The following CNTN5 variants were observed in gnomAD, a reference collection of about 807,000 sequenced individuals.
CNTN5 encodes contactin 5, also known as contactin-5.
Under a neutral mutation model 129.1 loss-of-function variants are expected in CNTN5, and 77 were observed. The ratio of observed to expected loss-of-function variants is 0.60; its 90% CI spans 0.50 to 0.72. CNTN5 has a LOEUF of 0.72. Ranked by LOEUF, CNTN5 falls within the 30% of genes least tolerant of loss-of-function variation. CNTN5 has a pLI of 0.00. For synonymous variants in CNTN5, 509 were observed against 465.6 expected, an observed-to-expected ratio of 1.09 and a Z score of -1.20; for missense variants, 1,478 against 1,328.8, an observed-to-expected ratio of 1.11 and a Z score of -1.75.
chr11:100,341,886 A>C (rs1038638704), intron 23 of CNTN5, among the ~76,000 whole-genome samples: 5 of 151,780 alleles, frequency 3.3e-5, no homozygotes, highest in Non-Finnish European at 7.4e-5. Flanking sequence ...CAGAATCATT[A>C]GTTGAATATT....
chr11:99,090,370 G>C (rs1487964913), intron 1 of CNTN5, among the ~76,000 whole-genome samples: 1 of 152,080 alleles, frequency 6.6e-6, no homozygotes, highest in African/African-American at 2.4e-5. Flanking sequence ...AGAAATTGGG[G>C]ATGCAAAAGA....
chr11:99,155,942 A>G (rs145354359), intron 1 of CNTN5, among the ~76,000 whole-genome samples: 1,582 of 152,238 alleles, frequency 0.01, 22 homozygotes, highest in Non-Finnish European at 0.014. Context: ...GGAATAATTT[A>G]CACAATAATT....
At chr11:100,041,300 T>C (rs1323363046) in intron 9 of CNTN5, among the ~76,000 whole-genome samples, 1 of 152,228 alleles carries the variant, frequency 6.6e-6, no homozygotes. Context: ...GCTGTGCCTA[T>C]GTCCATACTT....
intron 1 of CNTN5, among the ~76,000 whole-genome samples, chr11:99,207,050 G>T (rs1859522282): frequency 6.6e-6 from 1 of 151,936 alleles, no homozygotes; most frequent in African/African-American, 2.4e-5. Flanking sequence ...GCTAGTCTTA[G>T]TCACAAGCAG....
intron 1 of CNTN5, among the ~76,000 whole-genome samples, chr11:99,030,056 C>T (rs1187032830): frequency 6.6e-6 from 1 of 152,092 alleles, no homozygotes. Flanking sequence ...ACATTCATGG[C>T]ATATGGTGAG....
chr11:99,907,718 A>G (rs1949546935), intron 6 of CNTN5, among the ~76,000 whole-genome samples: 1 of 151,912 alleles, frequency 6.6e-6, no homozygotes, highest in Non-Finnish European at 1.5e-5. Context: ...CTCAACTGTA[A>G]TGGAAGAATA....
At position 99,903,731 on chromosome 11, in the gene CNTN5, A is replaced by G. The variant is rs79819636; in HGVS notation, c.578-12323A>G. ...TATGGTAGTTTCCAAGAAACTCTAA[A>G]TATAATTTTTTTAGAGAGAATATTT... On this transcript the variant is annotated intron_variant, in intron 6 of 24. Transcript: ENST00000524871. Among the ~76,000 whole-genome samples, 1,276 of 152,242 alleles carry G rather than the reference A, an allele frequency of 8.4e-3. 31 individuals carry two copies. Among genetic ancestry groups the G allele is most frequent in the East Asian group, 0.072 (371 of 5,170 alleles).
chr11:100,251,166 T>G (rs534051060), intron 16 of CNTN5, among the ~76,000 whole-genome samples: 1 of 152,212 alleles, frequency 6.6e-6, no homozygotes, highest in African/African-American at 2.4e-5. Flanking sequence ...ACTTATTAGC[T>G]TAAAACATCA....
chr11:99,979,351 C>T (rs1204555945), intron 8 of CNTN5, among the ~76,000 whole-genome samples: 2 of 152,076 alleles, frequency 1.3e-5, no homozygotes, highest in Non-Finnish European at 2.9e-5. Flanking sequence ...GAGGAGTTGA[C>T]ATTTGAGTAC....
intron 3 of CNTN5, among the ~76,000 whole-genome samples, chr11:99,749,157 A>G (rs1344929880): frequency 1.3e-5 from 2 of 152,224 alleles, no homozygotes; most frequent in Admixed American, 6.5e-5. Flanking sequence ...CTGATGGTTC[A>G]GTGTATACAA....
chr11:100,257,245 C>T (rs1164256426), intron 17 of CNTN5, among the ~76,000 whole-genome samples: 1 of 152,152 alleles, frequency 6.6e-6, no homozygotes, highest in Non-Finnish European at 1.5e-5. Flanking sequence ...GATTCTTCCT[C>T]TCTGGGCAGG....
chr11:100,204,177 C>T (rs1487852717), intron 15 of CNTN5, among the ~76,000 whole-genome samples: 4 of 149,138 alleles, frequency 2.7e-5, no homozygotes, highest in African/African-American at 9.8e-5. Context: ...TAACACAGTA[C>T]CTGGTGCACA....
chr11:99,550,368 A>T (rs1181831556), intron 2 of CNTN5, among the ~76,000 whole-genome samples: 3 of 151,918 alleles, frequency 2.0e-5, no homozygotes, highest in African/African-American at 7.3e-5. Context: ...TTTGTTATCT[A>T]TTTTTTTTCC....
At chr11:99,741,172 A>G (rs981220776) in intron 3 of CNTN5, among the ~76,000 whole-genome samples, 9 of 152,194 alleles carry the variant, frequency 5.9e-5, no homozygotes, top group African/African-American at 2.2e-4. Context: ...ATAATATCAT[A>G]TAACATTGTT....
chr11:100,260,594 A>G (rs1308969871), intron 17 of CNTN5, among the ~76,000 whole-genome samples: 1 of 152,232 alleles, frequency 6.6e-6, no homozygotes, highest in Non-Finnish European at 1.5e-5. Flanking sequence ...AAGCTTATCC[A>G]AAATGATCAA....
At chr11:99,466,223 A>G (rs1455538623) in intron 2 of CNTN5, among the ~76,000 whole-genome samples, 1 of 151,980 alleles carries the variant, frequency 6.6e-6, no homozygotes, top group African/African-American at 2.4e-5. Flanking sequence ...GAACTCACTC[A>G]CTTCTACGAG....
intron 1 of CNTN5, among the ~76,000 whole-genome samples, chr11:99,293,692 C>T (rs553603735): frequency 6.6e-6 from 1 of 151,946 alleles, no homozygotes; most frequent in Non-Finnish European, 1.5e-5. Context: ...CTAGGCTTTC[C>T]ATTTTTTTGG....
chr11:100,334,982 T>A (rs200448100), intron 21 of CNTN5, among the ~76,000 whole-genome samples: 13 of 135,752 alleles, frequency 9.6e-5, no homozygotes, highest in Admixed American at 1.5e-4. Flanking sequence ...ACTTGATAAG[T>A]AAAAAAAAAA....
intron 6 of CNTN5, among the ~76,000 whole-genome samples, chr11:99,907,268 G>A (rs1823817): frequency 0.24 from 36,937 of 151,648 alleles, 4,777 homozygotes; most frequent in African/African-American, 0.33. Flanking sequence ...TAGTGATATT[G>A]ATAGAAATAA....
Sources: gnomAD v4.1 joint callset for allele counts (sites outside exome capture counted in the v4.1 genomes callset) on GRCh38, gnomAD v4.1.1 for gene constraint, MANE v1.5 for transcripts, NCBI Gene and HGNC (gene_info 2026-07-23, HGNC 2026-07-21) for gene names.